The following ZBTB20 variants were observed in gnomAD, a reference collection of about 807,000 sequenced individuals.
The protein encoded by ZBTB20 is zinc finger and BTB domain-containing protein 20.
Under a neutral mutation model 56.9 loss-of-function variants are expected in ZBTB20, and 9 were observed. That is an observed-to-expected ratio of 0.16 (90% confidence interval 0.10 to 0.28). The LOEUF (loss-of-function observed/expected upper bound fraction) is 0.28, where lower values mean the gene tolerates loss of function less well. ZBTB20 is among the 10% of genes least tolerant of loss of function. The pLI is 1.00. For missense variants in ZBTB20, 655 were observed against 1,003.0 expected, an observed-to-expected ratio of 0.65 and a Z score of 4.69; for synonymous variants, 417 against 420.7, an observed-to-expected ratio of 0.99 and a Z score of 0.11.
Position 114,339,629 on chromosome 3 carries a change from G to A in ZBTB20, c.1805-203C>T, listed in dbSNP as rs573843079. 6.6e-4 allele frequency among the ~76,000 whole-genome samples: 101 copies of A among 152,328 alleles called. No homozygotes were observed. Among genetic ancestry groups the A allele is most frequent in the African/African-American group, 2.1e-3 (88 of 41,566 alleles). ...GTGCAGAGAAATTTTGCTTTATGGT[G>A]ATGCCAGGACAGTTTTGTTTTCCAT... On this transcript the variant is annotated intron_variant, in intron 11 of 11. Transcript: ENST00000675478. The surrounding 1 kb of genome is among the most constrained non-coding windows in gnomAD (Gnocchi z 4.2).
intron 6 of ZBTB20, among the ~76,000 whole-genome samples, chr3:114,634,323 T>C (rs567789618): frequency 6.6e-6 from 1 of 152,296 alleles, no homozygotes; most frequent in East Asian, 1.9e-4. Flanking sequence ...AATAATCCGA[T>C]GTATCCTAAC....
intron 6 of ZBTB20, among the ~76,000 whole-genome samples, chr3:114,590,025 G>A (rs774069167): frequency 2.6e-5 from 4 of 152,140 alleles, no homozygotes; most frequent in Non-Finnish European, 5.9e-5. Context: ...GAGTATATTG[G>A]TAATGGGTTT....
At chr3:114,724,429 T>C (rs2065131671) in intron 5 of ZBTB20, among the ~76,000 whole-genome samples, 1 of 152,188 alleles carries the variant, frequency 6.6e-6, no homozygotes, top group Non-Finnish European at 1.5e-5. Flanking sequence ...CCCTTCTCTA[T>C]TCAGCTGCCT....
At chr3:115,037,704 G>A (rs2080984246) in intron 2 of ZBTB20, among the ~76,000 whole-genome samples, 1 of 152,160 alleles carries the variant, frequency 6.6e-6, no homozygotes, top group Non-Finnish European at 1.5e-5. Context: ...CACAACAGGA[G>A]CTGTGAACAA....
At chr3:114,564,782 C>T (rs1186950925) in intron 6 of ZBTB20, among the ~76,000 whole-genome samples, 2 of 152,192 alleles carry the variant, frequency 1.3e-5, no homozygotes, top group South Asian at 2.1e-4. Flanking sequence ...AATTCTAGCA[C>T]TTCTCATTAC....
At chr3:114,350,157 G>C in intron 11 of ZBTB20, 117 bp downstream of exon 11, 1 of 1,414,236 alleles carries the variant, frequency 7.1e-7, no homozygotes. Context: ...TTGTGGTGGG[G>C]TCTGTTTAAA....
chr3:114,618,009 CATATAT>C, intron 6 of ZBTB20, among the ~76,000 whole-genome samples: 1 of 150,400 alleles, frequency 6.6e-6, no homozygotes, highest in East Asian at 1.9e-4. Flanking sequence ...ACATATTTTA[CATATAT>C]ATATATATTT....
rs377412763 is a variant in ZBTB20 at position 115,073,732 on chromosome 3, TTATAA to T, written c.-702-2323_-702-2319del. 3.6e-3 allele frequency among the ~76,000 whole-genome samples: 544 copies of T among 151,874 alleles called. 2 individuals are homozygous for T. Among genetic ancestry groups the T allele is most frequent in the South Asian group, 0.016 (76 of 4,822 alleles). Reference sequence around the variant, plus strand: ...GAAAAAATTGTATATAAGGAGATATTTATAATATAATTAAAAATTAACCGTATACA... The same window carrying T: ...GAAAAAATTGTATATAAGGAGATATTTATAATTAAAAATTAACCGTATACA... On this transcript the variant is annotated intron_variant, in intron 1 of 11. Coordinates refer to ENST00000675478, the MANE Select transcript of ZBTB20 (RefSeq NM_001348800.3).
At chr3:114,384,443 C>T (rs945461801) in intron 8 of ZBTB20, among the ~76,000 whole-genome samples, 2 of 151,434 alleles carry the variant, frequency 1.3e-5, no homozygotes, top group African/African-American at 2.4e-5. Context: ...TCCCGCCACA[C>T]TGGTGGAGCT....
chr3:114,841,665 G>A (rs576725564), intron 4 of ZBTB20, among the ~76,000 whole-genome samples: 2 of 152,182 alleles, frequency 1.3e-5, no homozygotes, highest in East Asian at 1.9e-4. Context: ...TTCTAATGTC[G>A]GCAATTATGT....
At chr3:114,586,360 C>A (rs1434568068) in intron 6 of ZBTB20, among the ~76,000 whole-genome samples, 3 of 152,142 alleles carry the variant, frequency 2.0e-5, no homozygotes. Flanking sequence ...AAAATTATGG[C>A]CAGCTTGAAA....
At chr3:115,099,520 T>A (rs532135918) in intron 1 of ZBTB20, among the ~76,000 whole-genome samples, 4 of 152,308 alleles carry the variant, frequency 2.6e-5, no homozygotes, top group Admixed American at 2.0e-4. Context: ...CCAGATGCAA[T>A]GTTTCTATGT....
At chr3:115,016,793 G>A (rs1450243032) in intron 2 of ZBTB20, among the ~76,000 whole-genome samples, 1 of 151,416 alleles carries the variant, frequency 6.6e-6, no homozygotes, top group African/African-American at 2.4e-5. Context: ...TTGCTTTTTG[G>A]GTGCTTTTTG....
chr3:114,683,632 A>T (rs1462007353), intron 6 of ZBTB20, among the ~76,000 whole-genome samples: 6 of 152,136 alleles, frequency 3.9e-5, no homozygotes, highest in Non-Finnish European at 8.8e-5. Flanking sequence ...AGAGGCTAGA[A>T]CATCTCTTTT....
Position 114,339,438 on chromosome 3 carries a change from G to C in ZBTB20, c.1805-12C>G. Reference sequence around the variant, plus strand: ...GTGGGGCTTCTCACCTGTTGATGTAGGAAGAGACAGCAAGCAGGACAGAGC... The same window carrying C: ...GTGGGGCTTCTCACCTGTTGATGTACGAAGAGACAGCAAGCAGGACAGAGC... On this transcript the variant is annotated splice_polypyrimidine_tract_variant and intron_variant, in intron 11 of 11. Transcript: ENST00000675478. The surrounding 1 kb of genome is among the most constrained non-coding windows in gnomAD (Gnocchi z 4.2). The C allele has an allele frequency of 6.2e-7, 1 of 1,610,258 alleles. No individual in the cohort carries two copies. Among genetic ancestry groups the C allele is most frequent in the South Asian group, 1.1e-5 (1 of 90,956 alleles).
At chr3:114,619,948 G>T (rs958117506) in intron 6 of ZBTB20, among the ~76,000 whole-genome samples, 5 of 152,160 alleles carry the variant, frequency 3.3e-5, no homozygotes, top group Non-Finnish European at 5.9e-5. Context: ...TGACCTCCAC[G>T]GATGTGGAAG....
chr3:114,994,480 A>G (rs1040311795), intron 2 of ZBTB20, among the ~76,000 whole-genome samples: 2 of 151,940 alleles, frequency 1.3e-5, no homozygotes, highest in Non-Finnish European at 2.9e-5. Context: ...TATTTTCACA[A>G]CAAACTTAGC....
intron 6 of ZBTB20, among the ~76,000 whole-genome samples, chr3:114,616,125 C>A (rs2057924326): frequency 6.6e-6 from 1 of 152,182 alleles, no homozygotes; most frequent in Admixed American, 6.5e-5. Flanking sequence ...CAGACGCATG[C>A]CCTGATGTGA....
intron 5 of ZBTB20, among the ~76,000 whole-genome samples, chr3:114,760,013 T>C (rs953882779): frequency 1.3e-5 from 2 of 152,126 alleles, no homozygotes; most frequent in African/African-American, 4.8e-5. Context: ...ATACAGAGAT[T>C]AAAAAATATG....
Sources: allele counts gnomAD v4.1 joint callset (sites outside exome capture counted in the v4.1 genomes callset), GRCh38; gene constraint gnomAD v4.1.1; non-coding constraint Gnocchi (gnomAD v3.1); transcripts MANE v1.5; gene names NCBI Gene and HGNC (gene_info 2026-07-23, HGNC 2026-07-21).